The following EFNA5 variants were observed in gnomAD, a reference collection of about 807,000 sequenced individuals.
EFNA5 encodes ephrin-A5.
EFNA5 carries 5 observed loss-of-function variants against 22.9 expected under a neutral mutation model. The ratio of observed to expected loss-of-function variants is 0.22; its 90% CI spans 0.11 to 0.46. EFNA5 has a LOEUF of 0.46. Ranked by LOEUF, EFNA5 falls within the 20% of genes least tolerant of loss-of-function variation. EFNA5 has a pLI of 0.99. For missense variants in EFNA5, 237 were observed against 293.3 expected (o/e 0.81, Z 1.40); for synonymous variants, 113 against 112.2 (o/e 1.01, Z -0.04).
At chr5:107,604,895 C>A (rs528494667) in intron 1 of EFNA5, among the ~76,000 whole-genome samples, 1 of 152,242 alleles carries the variant, frequency 6.6e-6, no homozygotes, top group Admixed American at 6.5e-5. Flanking sequence ...TTCATAGGTC[C>A]ACTGGCACCT....
chr5:107,620,691 G>GC (rs1328325041), intron 1 of EFNA5, among the ~76,000 whole-genome samples: 2 of 152,112 alleles, frequency 1.3e-5, no homozygotes, highest in African/African-American at 4.8e-5. Flanking sequence ...TGAACTAAGT[G>GC]CCCCCTACCA....
In EFNA5 at chr5:107,569,487, TTA is replaced by T. The variant is rs558795095; in HGVS notation, c.125+101000_125+101001del. On this transcript the variant is annotated intron_variant, in intron 1 of 4. Transcript: ENST00000333274. ...TATTTATATATATGTGTATATATAT[TTA>T]TATATATGTGTATATATATTTATAT... 3.1e-3 allele frequency among the ~76,000 whole-genome samples: 429 copies of T among 137,204 alleles called. 8 individuals carry two copies. Among genetic ancestry groups the T allele is most frequent in the African/African-American group, 9.8e-3 (363 of 37,002 alleles). The allele number at this position is 137,204 out of a possible 152,430, so 90.0% of individuals were successfully genotyped here.
chr5:107,517,013 G>T (rs1171684258), intron 1 of EFNA5, among the ~76,000 whole-genome samples: 1 of 151,948 alleles, frequency 6.6e-6, no homozygotes, highest in Admixed American at 6.6e-5. Context: ...ACTATAAATG[G>T]GTATCAACCT....
At chr5:107,586,635 G>A (rs1268741934) in intron 1 of EFNA5, among the ~76,000 whole-genome samples, 1 of 152,082 alleles carries the variant, frequency 6.6e-6, no homozygotes, top group Admixed American at 6.6e-5. Flanking sequence ...AAAATCCAAG[G>A]AGTGGTTTAA....
intron 2 of EFNA5, among the ~76,000 whole-genome samples, chr5:107,394,547 A>G (rs1417925451): frequency 6.6e-6 from 1 of 152,212 alleles, no homozygotes; most frequent in Non-Finnish European, 1.5e-5. Context: ...AAATAATTAG[A>G]GTAAACTTCA....
At chr5:107,479,469 AAAC>A (rs1310362071) in intron 1 of EFNA5, among the ~76,000 whole-genome samples, 1 of 152,062 alleles carries the variant, frequency 6.6e-6, no homozygotes, top group African/African-American at 2.4e-5. Context: ...TAAAAAAAAA[AAAC>A]AACCTAAATT....
chr5:107,644,654 A>G (rs573745862), intron 1 of EFNA5, among the ~76,000 whole-genome samples: 29 of 152,260 alleles, frequency 1.9e-4, no homozygotes, highest in African/African-American at 7.0e-4. Flanking sequence ...TTAAGAAGTG[A>G]ATTTCCTCAA....
At chr5:107,414,178 G>A (rs1748446432) in intron 2 of EFNA5, among the ~76,000 whole-genome samples, 1 of 152,140 alleles carries the variant, frequency 6.6e-6, no homozygotes, top group Admixed American at 6.5e-5. Context: ...CAAACTTTAT[G>A]GAAGTGGGTT....
chr5:107,627,343 T>C (rs902563102), intron 1 of EFNA5, among the ~76,000 whole-genome samples: 4 of 152,196 alleles, frequency 2.6e-5, no homozygotes, highest in African/African-American at 7.2e-5. Flanking sequence ...GCATACAAAT[T>C]CCTATATCAG....
intron 1 of EFNA5, among the ~76,000 whole-genome samples, chr5:107,621,205 G>C (rs1750030719): frequency 6.6e-6 from 1 of 152,192 alleles, no homozygotes; most frequent in African/African-American, 2.4e-5. Context: ...GAAACATCTA[G>C]GAGAAAACAG....
In EFNA5 at chr5:107,587,550, G is replaced by A. The variant is rs164974; in HGVS notation, c.125+82939C>T. Among the ~76,000 whole-genome samples the A allele has an allele frequency of 5.3e-5, 8 of 152,046 alleles. 1 individual carries two copies. The highest frequency in any genetic ancestry group is 1.7e-4 in the African/African-American group (7 of 41,458). On this transcript the variant is annotated intron_variant, in intron 1 of 4. Coordinates refer to ENST00000333274, the MANE Select transcript of EFNA5 (RefSeq NM_001962.3). ...TGTTGTTTTTGAGATGGAGTCTTGCGCTGTTGCCCAGGCTGGAGTACAGTG... is the reference window on the plus strand; with the variant it reads ...TGTTGTTTTTGAGATGGAGTCTTGCACTGTTGCCCAGGCTGGAGTACAGTG...
chr5:107,605,516 T>G (rs796196081), intron 1 of EFNA5, among the ~76,000 whole-genome samples: 18 of 152,306 alleles, frequency 1.2e-4, no homozygotes, highest in African/African-American at 4.3e-4. Context: ...AAGGCTGACC[T>G]ACCAGTCTGC....
intron 1 of EFNA5, among the ~76,000 whole-genome samples, chr5:107,661,114 T>TAAA (rs746307081): frequency 7.7e-6 from 1 of 130,210 alleles, no homozygotes; most frequent in African/African-American, 2.8e-5. Context: ...ATCTGTCTGT[T>TAAA]AAAAAAAAAA....
At chr5:107,410,133 T>C (rs1225325249) in intron 2 of EFNA5, among the ~76,000 whole-genome samples, 2 of 150,254 alleles carry the variant, frequency 1.3e-5, no homozygotes, top group Non-Finnish European at 3.0e-5. Context: ...GTTCACACCA[T>C]TCTCCTGCCT....
intron 1 of EFNA5, among the ~76,000 whole-genome samples, chr5:107,515,816 A>G (rs1747462246): frequency 6.6e-6 from 1 of 152,234 alleles, no homozygotes; most frequent in Admixed American, 6.5e-5. Flanking sequence ...CCCAAAGGCT[A>G]TCTATCTATG....
At chr5:107,582,218 G>A (rs1259019110) in intron 1 of EFNA5, among the ~76,000 whole-genome samples, 1 of 152,122 alleles carries the variant, frequency 6.6e-6, no homozygotes, top group Non-Finnish European at 1.5e-5. Context: ...AAATGTTTTT[G>A]ATATGCTAAA....
chr5:107,612,482 C>A (rs992100468), intron 1 of EFNA5, among the ~76,000 whole-genome samples: 2 of 151,638 alleles, frequency 1.3e-5, no homozygotes, highest in Admixed American at 6.6e-5. Flanking sequence ...AGTAAAAATT[C>A]TTTTTAAAAT....
At chr5:107,514,551 G>A (rs921735456) in intron 1 of EFNA5, among the ~76,000 whole-genome samples, 1 of 152,048 alleles carries the variant, frequency 6.6e-6, no homozygotes, top group African/African-American at 2.4e-5. Context: ...GGAGACCCAA[G>A]GAAGCTGACA....
At chr5:107,569,559 T>TGTG in intron 1 of EFNA5, among the ~76,000 whole-genome samples, 1 of 42,530 alleles carries the variant, frequency 2.4e-5, no homozygotes, top group African/African-American at 1.0e-4. Flanking sequence ...ATATATATAT[T>TGTG]TATATATATA....
Sources: allele counts gnomAD v4.1 joint callset (sites outside exome capture counted in the v4.1 genomes callset), GRCh38; gene constraint gnomAD v4.1.1; transcripts MANE v1.5; gene names NCBI Gene and HGNC (gene_info 2026-07-23, HGNC 2026-07-21).